Variants in A2M observed in about 807,000 individuals in gnomAD.
A2M encodes C3 and PZP-like alpha-2-macroglobulin domain-containing protein 5.
Under a neutral mutation model 183.9 loss-of-function variants are expected in A2M, and 128 were observed. The observed-to-expected ratio is 0.70, with a 90% confidence interval of 0.60 to 0.81. A2M has a LOEUF of 0.81. Ranked by LOEUF, A2M falls within the 30% of genes least tolerant of loss-of-function variation. The pLI, the probability that A2M is intolerant of heterozygous loss-of-function variation, is 0.00. For missense variants in A2M, 1,495 were observed against 1,787.6 expected (o/e 0.84, Z 2.95); for synonymous variants, 592 against 670.8 (o/e 0.88, Z 1.81).
intron 22 of A2M, chr12:9,080,513 T>A (rs1948879395): frequency 5.9e-6 from 1 of 168,286 alleles, no homozygotes; most frequent in Non-Finnish European, 1.3e-5. Context: ...ATCTATTTAG[T>A]TCCCACCACC....
At chr12:9,079,969 G>T in intron 23 of A2M, 125 bp downstream of exon 23, 1 of 948,682 alleles carries the variant, frequency 1.1e-6, no homozygotes, top group Non-Finnish European at 1.5e-6. Flanking sequence ...CAATAAACAA[G>T]CCCAAAGAAG....
At chr12:9,078,182 C>T (rs1948804423) in intron 25 of A2M, among the ~76,000 whole-genome samples, 1 of 152,076 alleles carries the variant, frequency 6.6e-6, no homozygotes, top group Non-Finnish European at 1.5e-5. Context: ...CCGCTTAGTT[C>T]CCTCCCGTCA....
chr12:9,104,121 A>C, intron 11 of A2M, 118 bp downstream of exon 11: 1 of 1,021,826 alleles, frequency 9.8e-7, no homozygotes, highest in Non-Finnish European at 1.4e-6. Flanking sequence ...TCGGTTTCTA[A>C]TTGCTAGTTT....
At chr12:9,112,617 A>G (rs1232412802) in intron 2 of A2M, 81 bp from the exon 3 acceptor site, 25 of 1,502,108 alleles carry the variant, frequency 1.7e-5, no homozygotes, top group Non-Finnish European at 2.3e-5. Flanking sequence ...TCTTCCCTGG[A>G]GATCTTGCCC....
At chr12:9,109,455 G>C (rs776480417) in intron 6 of A2M, 50 bp from the exon 7 acceptor site, 8 of 1,436,072 alleles carry the variant, frequency 5.6e-6, no homozygotes, top group African/African-American at 1.4e-5. Context: ...AACTTTGGGG[G>C]AATTCCTATT....
chr12:9,112,283 A>G, intron 3 of A2M, 72 bp from the exon 4 acceptor site: 2 of 1,607,098 alleles, frequency 1.2e-6, no homozygotes, highest in South Asian at 1.1e-5. Flanking sequence ...CAAGCTATTA[A>G]GGAACCAAGA....
In A2M at chr12:9,104,357, ACTTTATTTGGTATAG is replaced by A. The variant is rs779859372; in HGVS notation, c.1133_1147del (p.Pro378_Val383delinsLeu). On this transcript the variant is annotated inframe_deletion, in exon 11 of 36. Transcript: ENST00000318602. The stretch of plus-strand genomic sequence containing the variant: ...TGCTTCATTTCCTCTGATGAATATG[ACTTTATTTGGTATAG>A]GGACGCCTTTCCCATCTACTAGGCG... 17 of 1,604,668 alleles carry A rather than the reference ACTTTATTTGGTATAG, an allele frequency of 1.1e-5. No homozygotes were observed.
At chr12:9,069,863 G>A (rs776871400) in intron 32 of A2M, 50 bp from the exon 33 acceptor site, 2 of 1,545,444 alleles carry the variant, frequency 1.3e-6, no homozygotes, top group Non-Finnish European at 1.8e-6. Context: ...TGAAACCCCT[G>A]GGGGATCCAG....
Position 9,112,162 on chromosome 12 carries a change from C to T in A2M, c.480G>A (p.Glu160=). The stretch of plus-strand genomic sequence containing the variant: ...ATGTAGATAATAGAAAACTCACCAA[C>T]TCATTCAGGGGGTGAAAGTTTTCAT... The part of the protein sequence containing the change: ...SMDENFHPLN[E]LIPLVYIQDP... Residue 160 remains glutamate, a synonymous_variant, in exon 4 of 36, where the codon GAG becomes GAA. Coordinates refer to ENST00000318602, the MANE Select transcript of A2M (RefSeq NM_000014.6). 1 of 1,613,710 alleles carries T rather than the reference C, an allele frequency of 6.2e-7. No individual in the cohort carries two copies. The highest frequency in any genetic ancestry group is 8.5e-7 in the Non-Finnish European group (1 of 1,179,698).
chr12:9,101,555 C>T lies in A2M; in HGVS notation c.1386G>A (p.Glu462=). The T allele has an allele frequency of 6.2e-7, 1 of 1,613,960 alleles. No homozygotes were observed. The highest frequency in any genetic ancestry group is 8.5e-7 in the Non-Finnish European group (1 of 1,179,904). The change falls in exon 12 of 36, where the codon GAG becomes GAA. Residue 462 remains glutamate (E), a synonymous_variant. Coordinates refer to ENST00000318602, the MANE Select transcript of A2M (RefSeq NM_000014.6). ...CACAGGGTAGTTCATGAGACATGGG[C>T]TCAAGGTGGACAAAGCTCTTGCTTG... ...FSPSKSFVHL[E]PMSHELPCGH... is the part of the protein sequence containing the mutation.
At chr12:9,113,977 C>T (rs1938936018) in intron 1 of A2M, among the ~76,000 whole-genome samples, 1 of 152,164 alleles carries the variant, frequency 6.6e-6, no homozygotes, top group African/African-American at 2.4e-5. Context: ...CACATACATA[C>T]ATACACACAT....
chr12:9,111,036 G>T (rs1938689805), intron 4 of A2M, among the ~76,000 whole-genome samples: 1 of 152,026 alleles, frequency 6.6e-6, no homozygotes, highest in Non-Finnish European at 1.5e-5. Flanking sequence ...ATTAAGATGG[G>T]TCATAGAATT....
intron 16 of A2M, 63 bp from the exon 17 acceptor site, chr12:9,095,147 T>G: frequency 8.6e-6 from 7 of 815,032 alleles, no homozygotes; most frequent in South Asian, 2.4e-5. Context: ...AGGTAGCTAC[T>G]TCTTTTTATT....
intron 18 of A2M, 110 bp from the exon 19 acceptor site, chr12:9,091,539 G>T: frequency 9.1e-7 from 1 of 1,097,868 alleles, no homozygotes; most frequent in Non-Finnish European, 1.3e-6. Flanking sequence ...ACACTCAATA[G>T]AAATACCAAT....
intron 30 of A2M, 81 bp downstream of exon 30, chr12:9,072,572 A>T: frequency 6.2e-7 from 1 of 1,600,600 alleles, no homozygotes; most frequent in African/African-American, 1.3e-5. Flanking sequence ...GATCTGTCCC[A>T]TTGTTTTCTG....
chr12:9,093,284 A>T (rs947056932), intron 18 of A2M, among the ~76,000 whole-genome samples, 181 bp downstream of exon 18: 15 of 152,132 alleles, frequency 9.9e-5, no homozygotes, highest in Admixed American at 5.2e-4. Flanking sequence ...GAGCTAATGG[A>T]TGTGTTAATT....
chr12:9,085,108 A>G (rs1188210004), intron 22 of A2M, among the ~76,000 whole-genome samples: 1 of 152,110 alleles, frequency 6.6e-6, no homozygotes, highest in Non-Finnish European at 1.5e-5. Flanking sequence ...CACTTTTAAA[A>G]ATGGATAGAT....
rs112506934 is a variant in A2M at position 9,106,267 on chromosome 12, T to C, written c.1073A>G (p.His358Arg). The C allele has an allele frequency of 2.5e-4, 404 of 1,613,128 alleles. 1 individual carries two copies. In the Middle Eastern group the frequency reaches 8.1e-3, roughly 32 times the overall value. The part of the protein sequence containing the change: ...TKLSFVKVDS[H>R]FRQGIPFFGQ... The stretch of plus-strand genomic sequence containing the variant: ...AAAGAAGGGAATTCCCTGTCGAAAG[T>C]GTGAGTCCACTTTCACAAATGAGAG... The change falls in exon 10 of 36, where the codon CAC (histidine) becomes CGC (arginine). Residue 358 changes from histidine (H) to arginine (R), a missense_variant. By Grantham distance (29) the His-to-Arg change is conservative (BLOSUM62 0). Transcript: ENST00000318602.
chr12:9,115,953 C>T (rs16918022), upstream of A2M: 1,647 of 910,006 alleles, frequency 1.8e-3, 12 homozygotes, highest in East Asian at 0.017. Flanking sequence ...CTTTATGCTG[C>T]TCTGTGTGCA....
Sources: allele counts gnomAD v4.1 joint callset (sites outside exome capture counted in the v4.1 genomes callset), GRCh38; gene constraint gnomAD v4.1.1; transcripts MANE v1.5; gene names NCBI Gene and HGNC (gene_info 2026-07-23, HGNC 2026-07-21).